The following FARS2 variants were observed in gnomAD, a reference collection of about 807,000 sequenced individuals.
FARS2 encodes phenylalanyl-tRNA synthetase 2, mitochondrial.
A neutral mutation model predicts 46.4 loss-of-function variants in FARS2; 40 were observed. That is an observed-to-expected ratio of 0.86 (90% confidence interval 0.67 to 1.12). FARS2 has a LOEUF of 1.12. Ranked by LOEUF, FARS2 falls within the 50% of genes most tolerant of loss-of-function variation. The pLI is 0.00. For synonymous variants in FARS2, 234 were observed against 214.9 expected, an observed-to-expected ratio of 1.09 and a Z score of -0.78; for missense variants, 513 against 567.9, an observed-to-expected ratio of 0.90 and a Z score of 0.98.
At chr6:5,500,922 C>A (rs1767754449) in intron 4 of FARS2, among the ~76,000 whole-genome samples, 1 of 145,442 alleles carries the variant, frequency 6.9e-6, no homozygotes, top group African/African-American at 2.7e-5. Flanking sequence ...TCCAGTCAAG[C>A]TTCAAATCCC....
At chr6:5,341,235 A>ATATGTATTT (rs1561970178) in intron 1 of FARS2, among the ~76,000 whole-genome samples, 1 of 10,274 alleles carries the variant, frequency 9.7e-5, no homozygotes, top group Non-Finnish European at 2.0e-4. Context: ...ATATATATAT[A>ATATGTATTT]TTTTTTTTTT....
intron 6 of FARS2, among the ~76,000 whole-genome samples, chr6:5,722,994 C>A (rs6924018): frequency 0.19 from 29,453 of 152,140 alleles, 3,044 homozygotes; most frequent in African/African-American, 0.26. Flanking sequence ...GAGCAATAAA[C>A]AAGGATTCAG....
At chr6:5,431,257 T>C in intron 4 of FARS2, 85 bp downstream of exon 4, 1 of 1,363,328 alleles carries the variant, frequency 7.3e-7, no homozygotes, top group Non-Finnish European at 1.0e-6. Context: ...CTTGTAGATA[T>C]TTACATACTT....
At chr6:5,433,349 T>G (rs1274755199) in intron 4 of FARS2, among the ~76,000 whole-genome samples, 2 of 152,184 alleles carry the variant, frequency 1.3e-5, no homozygotes, top group South Asian at 2.1e-4. Context: ...TAACTGCTGA[T>G]GTTGTTGTAC....
intron 6 of FARS2, among the ~76,000 whole-genome samples, chr6:5,722,257 A>T (rs1287382539): frequency 2.0e-5 from 3 of 152,228 alleles, no homozygotes; most frequent in Non-Finnish European, 4.4e-5. Flanking sequence ...TCTTAATAGT[A>T]TGAAAATGCT....
At chr6:5,675,135 G>A (rs924553216) in intron 6 of FARS2, among the ~76,000 whole-genome samples, 3 of 151,982 alleles carry the variant, frequency 2.0e-5, no homozygotes, top group African/African-American at 4.8e-5. Flanking sequence ...GGTGAAGAAG[G>A]TGTTTGATAA....
chr6:5,344,706 G>T (rs1479129778), intron 1 of FARS2, among the ~76,000 whole-genome samples: 1 of 152,100 alleles, frequency 6.6e-6, no homozygotes. Flanking sequence ...ATGGCAATTG[G>T]AGTTAGATCT....
chr6:5,321,767 T>C (rs1769991901), intron 1 of FARS2, among the ~76,000 whole-genome samples: 1 of 152,228 alleles, frequency 6.6e-6, no homozygotes, highest in Non-Finnish European at 1.5e-5. Flanking sequence ...CTTTTCCTTC[T>C]TCATCCACTA....
chr6:5,591,716 A>G (rs757005379), intron 5 of FARS2, among the ~76,000 whole-genome samples: 2 of 152,172 alleles, frequency 1.3e-5, no homozygotes, highest in African/African-American at 2.4e-5. Context: ...CCATTATACA[A>G]TCATCAACTC....
Position 5,613,256 on chromosome 6 carries a change from G to C in FARS2, c.1153G>C (p.Val385Leu). The change falls in exon 6 of 7, where the codon GTC (valine) becomes CTC (leucine). Residue 385 changes from valine (V) to leucine (L), a missense_variant. Physicochemically the swap from Val to Leu is conservative, Grantham distance 32. Coordinates refer to ENST00000274680, the MANE Select transcript of FARS2 (RefSeq NM_006567.5). ...CGCAGAAAATGATTTCTATGACTTA[G>C]TCCGAACAATTGGAGGAGACCTGGT... ...NYAENDFYDLVRTIGGDLVEK... is the reference protein window; with the variant it reads ...NYAENDFYDLLRTIGGDLVEK... 1 of 1,613,510 alleles carries C rather than the reference G, an allele frequency of 6.2e-7. No homozygotes were observed. Among genetic ancestry groups the C allele is most frequent in the Non-Finnish European group, 8.5e-7 (1 of 1,179,704 alleles).
intron 4 of FARS2, among the ~76,000 whole-genome samples, chr6:5,493,085 T>C (rs1486596480): frequency 6.6e-6 from 1 of 151,966 alleles, no homozygotes; most frequent in East Asian, 1.9e-4. Context: ...GGCCGGTGCC[T>C]GTAATCCCAG....
intron 5 of FARS2, among the ~76,000 whole-genome samples, chr6:5,590,293 G>A (rs1215097351): frequency 6.6e-6 from 1 of 152,190 alleles, no homozygotes; most frequent in Non-Finnish European, 1.5e-5. Context: ...CACCGTATGT[G>A]TCCAAGTTCT....
At chr6:5,428,029 A>G (rs1308474145) in intron 3 of FARS2, among the ~76,000 whole-genome samples, 2 of 152,220 alleles carry the variant, frequency 1.3e-5, no homozygotes, top group Non-Finnish European at 2.9e-5. Context: ...TGACGCCATC[A>G]GCACCAGCAG....
chr6:5,389,268 C>T (rs754551880), intron 2 of FARS2, among the ~76,000 whole-genome samples: 6 of 152,084 alleles, frequency 3.9e-5, no homozygotes, highest in Non-Finnish European at 7.4e-5. Flanking sequence ...CTGTGTTAGG[C>T]GAGTACTATT....
At chr6:5,631,419 A>G (rs1240121383) in intron 6 of FARS2, among the ~76,000 whole-genome samples, 6 of 152,374 alleles carry the variant, frequency 3.9e-5, no homozygotes, top group South Asian at 2.1e-4. Context: ...AAGGAGATCA[A>G]TATAGATATT....
intron 4 of FARS2, among the ~76,000 whole-genome samples, chr6:5,533,898 A>G (rs913955448): frequency 1.3e-5 from 2 of 152,252 alleles, no homozygotes; most frequent in Non-Finnish European, 2.9e-5. Context: ...AGCAGTTGGC[A>G]GATACCTTTT....
rs144654575 is a variant in FARS2, at chr6:5,313,290, C to T, written c.-22+51630C>T. Among the ~76,000 whole-genome samples the T allele has an allele frequency of 2.6e-5, 4 of 152,330 alleles. No homozygotes were observed. In the East Asian group the frequency reaches 7.7e-4, roughly 29 times the overall value. ...GGTTGTCTGTCTGCTGAGGGCTGTC[C>T]ATACTCAGACTACCATCAGCTGGTT... On this transcript the variant is annotated intron_variant, in intron 1 of 6. Coordinates refer to ENST00000274680, the MANE Select transcript of FARS2 (RefSeq NM_006567.5).
In FARS2 at chr6:5,298,575, G is replaced by C. The variant is rs543055924; in HGVS notation, c.-22+36915G>C. On this transcript the variant is annotated intron_variant, in intron 1 of 6. Coordinates refer to ENST00000274680, the MANE Select transcript of FARS2 (RefSeq NM_006567.5). ...TGGCAGTACACTGCAGTCCACCTGG[G>C]GAGCTTAGAAAAACAATGATGCTAG... is the stretch of plus-strand genomic sequence containing the variant. Among the ~76,000 whole-genome samples the C allele has an allele frequency of 1.1e-4, 16 of 152,266 alleles. No individual in the cohort carries two copies. The East Asian group carries it at 3.1e-3, about 29-fold the overall frequency.
intron 2 of FARS2, among the ~76,000 whole-genome samples, chr6:5,380,547 A>G (rs1759688394): frequency 6.6e-6 from 1 of 152,250 alleles, no homozygotes; most frequent in East Asian, 1.9e-4. Context: ...CGAGCTTGGT[A>G]GGTGCAGGTG....
Sources: allele counts gnomAD v4.1 joint callset (sites outside exome capture counted in the v4.1 genomes callset), GRCh38; gene constraint gnomAD v4.1.1; transcripts MANE v1.5; gene names NCBI Gene and HGNC (gene_info 2026-07-23, HGNC 2026-07-21).